The following RAPGEF5 variants were observed in gnomAD, a reference collection of about 807,000 sequenced individuals.
RAPGEF5 encodes Rap guanine nucleotide exchange factor 5, also known as M-Ras-regulated GEF.
In RAPGEF5, 65 loss-of-function variants were observed where a neutral mutation model predicts 125.2. That is an observed-to-expected ratio of 0.52 (90% confidence interval 0.43 to 0.64). The LOEUF (loss-of-function observed/expected upper bound fraction) is 0.64. Among genes scored for constraint, RAPGEF5 ranks in the 30% least tolerant of loss-of-function variants. The pLI, the probability that RAPGEF5 is intolerant of heterozygous loss-of-function variation, is 0.00. For missense variants in RAPGEF5, 958 were observed against 1,048.1 expected (o/e 0.91, Z 1.19); for synonymous variants, 391 against 385.9 (o/e 1.01, Z -0.16).
chr7:22,332,217 G>T (rs963214827), intron 1 of RAPGEF5, among the ~76,000 whole-genome samples: 3 of 152,148 alleles, frequency 2.0e-5, no homozygotes, highest in African/African-American at 7.2e-5. Context: ...AAAGCCTCCC[G>T]GTTGAAGGTT....
At chr7:22,153,268 T>C (rs1783688405) in intron 17 of RAPGEF5, among the ~76,000 whole-genome samples, 1 of 152,206 alleles carries the variant, frequency 6.6e-6, no homozygotes, top group South Asian at 2.1e-4. Context: ...TTGATAAAGC[T>C]TAATACTGTT....
intron 7 of RAPGEF5, among the ~76,000 whole-genome samples, chr7:22,263,602 T>C (rs906645783): frequency 1.3e-5 from 2 of 152,008 alleles, no homozygotes; most frequent in Admixed American, 6.6e-5. Flanking sequence ...TGGTGGTACA[T>C]GCCTGTATTC....
chr7:22,206,182 T>C (rs1785392491), intron 9 of RAPGEF5, among the ~76,000 whole-genome samples: 1 of 152,184 alleles, frequency 6.6e-6, no homozygotes, highest in African/African-American at 2.4e-5. Context: ...CTTAATTTAT[T>C]AGATGAGAAG....
chr7:22,200,509 C>CT (rs1372389053), intron 9 of RAPGEF5, among the ~76,000 whole-genome samples: 1 of 152,026 alleles, frequency 6.6e-6, no homozygotes, highest in Non-Finnish European at 1.5e-5. Flanking sequence ...TAGTTCTTTC[C>CT]TTTTTTTAAT....
intron 11 of RAPGEF5, among the ~76,000 whole-genome samples, chr7:22,169,859 C>CCAAAAAAAAAAAA (rs553302336): frequency 7.7e-5 from 2 of 25,936 alleles, no homozygotes; most frequent in African/African-American, 4.1e-4. Context: ...GACTCTGTGT[C>CCAAAAAAAAAAAA]AAAAAAAAAA....
chr7:22,125,703 G>C, intron 24 of RAPGEF5, 45 bp from the exon 25 acceptor site: 1 of 1,542,558 alleles, frequency 6.5e-7, no homozygotes, highest in Non-Finnish European at 9.0e-7. Context: ...GGTCGTTGAG[G>C]GTGTTACTGA....
chr7:22,294,057 A>C (rs1461221068), intron 5 of RAPGEF5, among the ~76,000 whole-genome samples: 1 of 152,220 alleles, frequency 6.6e-6, no homozygotes, highest in African/African-American at 2.4e-5. Flanking sequence ...GCAGAGGAAA[A>C]GCAAGTATAA....
intron 11 of RAPGEF5, among the ~76,000 whole-genome samples, chr7:22,182,933 A>G (rs1784717779): frequency 6.6e-6 from 1 of 152,234 alleles, no homozygotes. Context: ...TCCATATAAC[A>G]ATAAAAGCAA....
At chr7:22,231,348 T>C (rs1227617250) in intron 7 of RAPGEF5, among the ~76,000 whole-genome samples, 1 of 152,192 alleles carries the variant, frequency 6.6e-6, no homozygotes, top group Admixed American at 6.5e-5. Context: ...TCTGGGTTGC[T>C]CAGTGCATTG....
intron 5 of RAPGEF5, among the ~76,000 whole-genome samples, chr7:22,301,518 G>A (rs533653502): frequency 5.9e-5 from 9 of 151,676 alleles, no homozygotes; most frequent in South Asian, 2.1e-4. Flanking sequence ...GAGAGGCTGC[G>A]GCAGGAGAAT....
At chr7:22,138,038 C>T (rs977361318) in intron 21 of RAPGEF5, among the ~76,000 whole-genome samples, 12 of 151,614 alleles carry the variant, frequency 7.9e-5, no homozygotes, top group East Asian at 5.8e-4. Flanking sequence ...CACACACGCA[C>T]GCACGCACAC....
chr7:22,181,914 C>T (rs189889810), intron 11 of RAPGEF5, among the ~76,000 whole-genome samples: 2 of 152,174 alleles, frequency 1.3e-5, no homozygotes, highest in Non-Finnish European at 2.9e-5. Context: ...AGCAAACATT[C>T]TCCCACACAA....
At chr7:22,147,801 T>C (rs772029457) in intron 18 of RAPGEF5, among the ~76,000 whole-genome samples, 1 of 152,214 alleles carries the variant, frequency 6.6e-6, no homozygotes, top group African/African-American at 2.4e-5. Flanking sequence ...TTTGAAGCGT[T>C]AGATTTGAAT....
At position 22,118,969 on chromosome 7, in the gene RAPGEF5, T is replaced by A. The variant is rs1037650437; in HGVS notation, c.*3437A>T. The A allele has an allele frequency of 1.4e-5, 2 of 144,184 alleles. No homozygotes were observed. Among genetic ancestry groups the A allele is most frequent in the African/African-American group, 5.2e-5 (2 of 38,580 alleles). The allele number at this position is 144,184 out of a possible 1,614,324, so 8.9% of individuals were successfully genotyped here. On this transcript the variant is annotated 3_prime_UTR_variant, in exon 26 of 26. Coordinates refer to ENST00000665637, the MANE Select transcript of RAPGEF5 (RefSeq NM_012294.5). ...GCAGGCTGAAATTTTAAGGACATGT[T>A]TTTGAAACATTTAAAAGAAATCCTG...
intron 7 of RAPGEF5, among the ~76,000 whole-genome samples, chr7:22,252,954 A>T (rs192323475): frequency 0.018 from 2,717 of 149,146 alleles, 73 homozygotes; most frequent in African/African-American, 0.063. Flanking sequence ...TATCTCACTT[A>T]AAAAAAAAAG....
At chr7:22,193,059 C>T in intron 11 of RAPGEF5, 1 of 452,274 alleles carries the variant, frequency 2.2e-6, no homozygotes, top group Non-Finnish European at 4.0e-6. Context: ...TGAACATGGG[C>T]TATTGAATGT....
At chr7:22,297,590 C>G (rs986746218) in intron 5 of RAPGEF5, among the ~76,000 whole-genome samples, 1 of 152,232 alleles carries the variant, frequency 6.6e-6, no homozygotes, top group Admixed American at 6.5e-5. Flanking sequence ...TAACGAACCA[C>G]CTCTTCCATC....
chr7:22,182,742 CCTT>C (rs1019334713), intron 11 of RAPGEF5, among the ~76,000 whole-genome samples: 1 of 152,080 alleles, frequency 6.6e-6, no homozygotes, highest in East Asian at 1.9e-4. Flanking sequence ...ATATATGTAG[CCTT>C]CTTCTTTAAA....
chr7:22,348,396 C>G (rs1473175319), intron 1 of RAPGEF5, among the ~76,000 whole-genome samples: 2 of 152,200 alleles, frequency 1.3e-5, no homozygotes, highest in Non-Finnish European at 2.9e-5. Flanking sequence ...CTTCCAACTT[C>G]CTAATCTCAA....
Sources: allele counts gnomAD v4.1 joint callset (sites outside exome capture counted in the v4.1 genomes callset), GRCh38; gene constraint gnomAD v4.1.1; transcripts MANE v1.5; gene names NCBI Gene and HGNC (gene_info 2026-07-23, HGNC 2026-07-21).